The following STK35 variants were observed in gnomAD, a reference collection of about 807,000 sequenced individuals.
STK35 encodes serine/threonine kinase 35.
In STK35, 17 loss-of-function variants were observed where a neutral mutation model predicts 37.3. The ratio of observed to expected loss-of-function variants is 0.46; its 90% CI spans 0.31 to 0.68. STK35 has a LOEUF of 0.68. Ranked by LOEUF, STK35 falls within the 30% of genes least tolerant of loss-of-function variation. The pLI, the probability that STK35 is intolerant of heterozygous loss-of-function variation, is 0.05. For missense variants in STK35, 595 were observed against 746.7 expected (o/e 0.80, Z 2.37); for synonymous variants, 385 against 319.1 (o/e 1.21, Z -2.20).
At chr20:2,143,173 AC>A (rs563514964) in intron 3 of STK35, among the ~76,000 whole-genome samples, 29 of 151,756 alleles carry the variant, frequency 1.9e-4, no homozygotes, top group Non-Finnish European at 2.8e-4. Flanking sequence ...CTCGTTCTTA[AC>A]CCCCACAGTG....
chr20:2,136,372 TGA>T (rs1370560482), intron 3 of STK35, among the ~76,000 whole-genome samples: 3 of 152,104 alleles, frequency 2.0e-5, no homozygotes, highest in Admixed American at 2.0e-4. Context: ...TCTGAAGGTG[TGA>T]GAGAGGGGAG....
chr20:2,143,681 C>G (rs1986206215), intron 3 of STK35, 103 bp from the exon 4 acceptor site: 1 of 303,994 alleles, frequency 3.3e-6, no homozygotes, highest in Non-Finnish European at 6.3e-6. Context: ...GAGCTCTGCC[C>G]CACAGCCCCC....
At position 2,117,554 on chromosome 20, in the gene STK35, C is replaced by T. The variant is rs961561282; in HGVS notation, c.*37+139C>T. 9.3e-6 allele frequency: 5 copies of T among 537,850 alleles called. No homozygotes were observed. Among genetic ancestry groups the T allele is most frequent in the Middle Eastern group, 4.8e-4 (1 of 2,098 alleles). The allele number at this position is 537,850 out of a possible 1,614,324, so 33.3% of individuals were successfully genotyped here. A position where few individuals can be genotyped will look rare whatever the true frequency, so the allele number is the denominator to read the frequency against. The stretch of plus-strand genomic sequence containing the variant: ...CCACCTCCCGAGTTCAAGTGATTCT[C>T]GTGCCTCAGCCACCTGGGTAGCTGG... On this transcript the variant is annotated intron_variant, in intron 3 of 3. Coordinates refer to ENST00000381482, the MANE Select transcript of STK35 (RefSeq NM_080836.4). This position sits in a 1 kb window ranked among gnomAD's most constrained non-coding sequence, Gnocchi z 4.4.
intron 3 of STK35, among the ~76,000 whole-genome samples, chr20:2,128,851 G>GT (rs199807823): frequency 3.9e-5 from 6 of 151,904 alleles, no homozygotes; most frequent in Middle Eastern, 3.4e-3. Flanking sequence ...TCTGTGGGGG[G>GT]TTTTTTTTGA....
chr20:2,147,409 A>G lies in STK35; in HGVS notation c.*3663A>G, dbSNP rs1986290166. On this transcript the variant is annotated 3_prime_UTR_variant, in exon 4 of 4. Coordinates refer to ENST00000381482, the MANE Select transcript of STK35 (RefSeq NM_080836.4). ...AATCTTTTTCTAAGAGAAGGAAAAG[A>G]GCTGGCATTGTGGGAATTTTCTTTT... The G allele has an allele frequency of 6.6e-6, 1 of 152,642 alleles. No homozygotes were observed. The highest frequency in any genetic ancestry group is 1.5e-5 in the Non-Finnish European group (1 of 68,044). The allele number at this position is 152,642 out of a possible 1,614,324, so 9.5% of individuals were successfully genotyped here. A position where few individuals can be genotyped will look rare whatever the true frequency, so the allele number is the denominator to read the frequency against.
intron 1 of STK35, 87 bp from the exon 2 acceptor site, chr20:2,102,681 G>A: frequency 8.2e-7 from 1 of 1,223,056 alleles, no homozygotes; most frequent in Non-Finnish European, 1.1e-6. Flanking sequence ...GCGGCGGCCG[G>A]GGGAGGAGGA....
At chr20:2,118,990 C>CAGAAATGTTA (rs1479788434) in intron 3 of STK35, among the ~76,000 whole-genome samples, 1 of 152,176 alleles carries the variant, frequency 6.6e-6, no homozygotes, top group African/African-American at 2.4e-5. Context: ...AATCGTTAAG[C>CAGAAATGTTA]AGCCCATTGT....
chr20:2,137,927 C>A (rs1204304574), intron 3 of STK35, among the ~76,000 whole-genome samples: 1 of 152,218 alleles, frequency 6.6e-6, no homozygotes, highest in Non-Finnish European at 1.5e-5. Flanking sequence ...TGACAGATGA[C>A]TTTGCCTCTG....
Position 2,116,778 on chromosome 20 carries a change from C to A in STK35, c.1005C>A (p.Ala335=). The change falls in exon 3 of 4, where the codon GCC becomes GCA. Residue 335 remains alanine (A), a synonymous_variant. Transcript: ENST00000381482. ...TCCTGTCCCGGAGGCCAGACCCAGC[C>A]ACCAACAAAAGTTTCATGCTACAGC... is the stretch of plus-strand genomic sequence containing the variant. The part of the protein sequence containing the change: ...QYVLSRRPDP[A]TNKSFMLQLT... The A allele has an allele frequency of 1.2e-6, 2 of 1,614,168 alleles. No homozygotes were observed. Among genetic ancestry groups the A allele is most frequent in the Non-Finnish European group, 1.7e-6 (2 of 1,180,046 alleles).
Position 2,144,986 on chromosome 20 carries a change from A to T in STK35, c.*1240A>T, listed in dbSNP as rs914805238. ...ATGGGAAAACAGCGGACCTGCCCAG[A>T]GCAGGGAGGTGTCGTGGAACTGGGT... is the stretch of plus-strand genomic sequence containing the variant. On this transcript the variant is annotated 3_prime_UTR_variant, in exon 4 of 4. Coordinates refer to ENST00000381482, the MANE Select transcript of STK35 (RefSeq NM_080836.4). 2.0e-5 allele frequency: 3 copies of T among 152,412 alleles called. No homozygotes were observed. The highest frequency in any genetic ancestry group is 4.4e-5 in the Non-Finnish European group (3 of 68,104). 9.4% of individuals were successfully genotyped at this position (152,412 alleles called of 1,614,324 possible).
At position 2,115,416 on chromosome 20, in the gene STK35, C is replaced by T. The variant is rs140141174; in HGVS notation, c.893-1250C>T. ...GTAGGATGCATACTCCATACTGGGG[C>T]CAGAGAGAGGACTTCTCTTCAGGTC... On this transcript the variant is annotated intron_variant, in intron 2 of 3. Transcript: ENST00000381482. 7.7e-4 allele frequency among the ~76,000 whole-genome samples: 117 copies of T among 152,214 alleles called. 1 individual carries two copies. The highest frequency in any genetic ancestry group is 2.8e-3 in the African/African-American group (115 of 41,554).
intron 2 of STK35, among the ~76,000 whole-genome samples, chr20:2,112,808 T>G (rs1443281757): frequency 6.6e-6 from 1 of 152,218 alleles, no homozygotes; most frequent in Non-Finnish European, 1.5e-5. Context: ...GAAGCTAAAT[T>G]TGTAACTCTT....
At chr20:2,107,322 A>T (rs1985534494) in intron 2 of STK35, among the ~76,000 whole-genome samples, 1 of 152,236 alleles carries the variant, frequency 6.6e-6, no homozygotes, top group Non-Finnish European at 1.5e-5. Context: ...GAATAGTTAG[A>T]AGTTTGGGAG....
intron 3 of STK35, among the ~76,000 whole-genome samples, chr20:2,135,173 C>T (rs2122581379): frequency 6.6e-6 from 1 of 152,318 alleles, no homozygotes; most frequent in South Asian, 2.1e-4. Context: ...AGTAGGTTGC[C>T]TCCTGGGAGC....
chr20:2,130,876 C>T (rs902818687), intron 3 of STK35, among the ~76,000 whole-genome samples: 4 of 145,594 alleles, frequency 2.7e-5, no homozygotes, highest in Admixed American at 1.3e-4. Flanking sequence ...CATCCCGTCA[C>T]ACCGTGGTTT....
chr20:2,126,177 G>T (rs1600612526), intron 3 of STK35, among the ~76,000 whole-genome samples: 1 of 152,216 alleles, frequency 6.6e-6, no homozygotes, highest in East Asian at 1.9e-4. Context: ...GCTGCCCATA[G>T]CCCTGTGTCG....
intron 3 of STK35, among the ~76,000 whole-genome samples, chr20:2,126,647 A>G (rs1985911561): frequency 6.6e-6 from 1 of 152,174 alleles, no homozygotes; most frequent in Admixed American, 6.5e-5. Context: ...CATTTCCACT[A>G]GTGAGTCCGC....
intron 3 of STK35, among the ~76,000 whole-genome samples, chr20:2,123,296 A>T (rs1043123319): frequency 6.6e-6 from 1 of 152,208 alleles, no homozygotes; most frequent in Non-Finnish European, 1.5e-5. Context: ...GCTGCCTAAC[A>T]TCAGAGAAGG....
chr20:2,115,821 C>T (rs1985704633), intron 2 of STK35, among the ~76,000 whole-genome samples: 1 of 152,188 alleles, frequency 6.6e-6, no homozygotes, highest in African/African-American at 2.4e-5. Context: ...TGCTCCCCCA[C>T]TGATCTACTG....
Sources: allele counts gnomAD v4.1 joint callset (sites outside exome capture counted in the v4.1 genomes callset), GRCh38; gene constraint gnomAD v4.1.1; non-coding constraint Gnocchi (gnomAD v3.1); transcripts MANE v1.5; gene names NCBI Gene and HGNC (gene_info 2026-07-23, HGNC 2026-07-21).